The following MUC3A variants were observed in gnomAD, a reference collection of about 807,000 sequenced individuals.
The protein encoded by MUC3A is mucin 3A, cell surface associated.
MUC3A carries 109 observed loss-of-function variants against 109.0 expected under a neutral mutation model. That is an observed-to-expected ratio of 1.00 (90% CI 0.86 to 1.17). The LOEUF (loss-of-function observed/expected upper bound fraction) is 1.17, where lower values mean the gene tolerates loss of function less well. Among genes scored for constraint, MUC3A ranks in the 50% most tolerant of loss-of-function variants. The pLI is 0.00. For synonymous variants in MUC3A, 1,398 were observed against 981.4 expected (o/e 1.42, Z -7.93); for missense variants, 3,537 against 2,469.4 (o/e 1.43, Z -9.16).
chr7:100,958,743 C>T lies in MUC3A; in HGVS notation c.6964C>T (p.His2322Tyr), dbSNP rs758554888. ...CACGGAGACCACCTCACACAGTGCTCACAGCTTCACTTCTTCGATCACCAC... is the reference window on the plus strand; with the variant it reads ...CACGGAGACCACCTCACACAGTGCTTACAGCTTCACTTCTTCGATCACCAC... ...TTTETTSHSA[H>Y]SFTSSITTTE... is the part of the protein sequence containing the mutation. Residue 2322 changes from histidine to tyrosine, a missense_variant, in exon 2 of 12, where the codon CAC (histidine) becomes TAC (tyrosine). Physicochemically the swap from His to Tyr is moderately conservative, Grantham distance 83. Transcript: ENST00000379458. The T allele has an allele frequency of 6.2e-6, 9 of 1,450,020 alleles. No individual in the cohort carries two copies. Among genetic ancestry groups the T allele is most frequent in the South Asian group, 4.8e-5 (4 of 83,100 alleles). 89.8% of individuals were successfully genotyped at this position (1,450,020 alleles called of 1,614,324 possible). A position where few individuals can be genotyped will look rare whatever the true frequency, so the allele number is the denominator to read the frequency against.
chr7:100,959,306 T>A lies in MUC3A; in HGVS notation c.7527T>A (p.Phe2509Leu). 1 of 1,577,302 alleles carries A rather than the reference T, an allele frequency of 6.3e-7. No individual in the cohort carries two copies. The highest frequency in any genetic ancestry group is 2.2e-5 in the East Asian group (1 of 44,788). The change falls in exon 2 of 12, where the codon TTT becomes TTA. Residue 2509 changes from phenylalanine (F) to leucine (L), a missense_variant. Phe to Leu is a conservative substitution (Grantham distance 22). Coordinates refer to ENST00000379458, the MANE Select transcript of MUC3A (RefSeq NM_005960.2). ...CTTCATTGACTACAACCACAGACTTTCCCTCTATACCCACTGATATCAGTA... is the reference window on the plus strand; with the variant it reads ...CTTCATTGACTACAACCACAGACTTACCCTCTATACCCACTGATATCAGTA... ...TSTSLTTTTDFPSIPTDISTL... is the reference protein window; with the variant it reads ...TSTSLTTTTDLPSIPTDISTL...
chr7:100,951,804 T>C, intron 1 of MUC3A, 37 bp from the exon 2 acceptor site: 2 of 1,586,166 alleles, frequency 1.3e-6, no homozygotes, highest in Non-Finnish European at 1.7e-6. Context: ...GACCCACGGA[T>C]TTACCAGTGG....
At chr7:100,961,034 C>A (rs1423630512) in intron 3 of MUC3A, 97 bp downstream of exon 3, 5 of 1,577,186 alleles carry the variant, frequency 3.2e-6, no homozygotes, top group South Asian at 1.1e-5. Flanking sequence ...GGCACCCATG[C>A]CTTTTTGCCC....
chr7:100,962,231 C>CAAAAAAA lies in MUC3A; in HGVS notation c.9053-890_9053-884dup, dbSNP rs1171031869. ...TGGGCGACAGAGCGAGACTCCGTCT[C>CAAAAAAA]AAAAAAAAAAAAAAAAAAAAAAAAA... On this transcript the variant is annotated intron_variant, in intron 3 of 11. Coordinates refer to ENST00000379458, the MANE Select transcript of MUC3A (RefSeq NM_005960.2). Among the ~76,000 whole-genome samples, 17 of 15,034 alleles carry CAAAAAAA rather than the reference C, an allele frequency of 1.1e-3. 4 individuals are homozygous for CAAAAAAA. The highest frequency in any genetic ancestry group is 3.4e-3 in the African/African-American group (16 of 4,744). The allele number at this position is 15,034 out of a possible 152,430, so 9.9% of individuals were successfully genotyped here. A position where few individuals can be genotyped will look rare whatever the true frequency, so the allele number is the denominator to read the frequency against.
At chr7:100,962,443 T>G (rs1792358797) in intron 3 of MUC3A, among the ~76,000 whole-genome samples, 1 of 152,308 alleles carries the variant, frequency 6.6e-6, no homozygotes, top group South Asian at 2.1e-4. Flanking sequence ...TTAGGCTGAT[T>G]AGCAATCTAA....
chr7:100,967,375 G>C lies in MUC3A; in HGVS notation c.*213G>C, dbSNP rs587758623. 331 of 734,026 alleles carry C rather than the reference G, an allele frequency of 4.5e-4. No individual in the cohort carries two copies. The African/African-American group carries it at 5.3e-3, about 12-fold the overall frequency. The allele number at this position is 734,026 out of a possible 1,614,324, so 45.5% of individuals were successfully genotyped here. On this transcript the variant is annotated 3_prime_UTR_variant, in exon 12 of 12. Coordinates refer to ENST00000379458, the MANE Select transcript of MUC3A (RefSeq NM_005960.2). ...CAGTTCACGTCCAGGCTCTTCCACT[G>C]TGGAATCTTGGGCAAGTCAGTAACG...
Position 100,967,298 on chromosome 7 carries a change from C to T in MUC3A, c.*136C>T. ...GTTCTTGGGCAAGATGAGACTGTTC[C>T]CCCAAATCCCATCCTTCTCCTTCCA... On this transcript the variant is annotated 3_prime_UTR_variant, in exon 12 of 12. Transcript: ENST00000379458. 3 of 1,376,214 alleles carry T rather than the reference C, an allele frequency of 2.2e-6. No homozygotes were observed. Among genetic ancestry groups the T allele is most frequent in the Admixed American group, 2.1e-5 (1 of 47,160 alleles). 85.3% of individuals were successfully genotyped at this position (1,376,214 alleles called of 1,614,324 possible).
rs767267111 is a variant in MUC3A at position 100,966,728 on chromosome 7, G to A, written c.9862G>A (p.Glu3288Lys). 3.8e-6 allele frequency: 6 copies of A among 1,598,550 alleles called. No homozygotes were observed. In the African/African-American group the frequency reaches 4.0e-5, roughly 11 times the overall value. The change falls in exon 10 of 12, where the codon GAG becomes AAG. Residue 3288 changes from glutamate to lysine, a missense_variant. By Grantham distance (56) the Glu-to-Lys change is moderately conservative. Coordinates refer to ENST00000379458, the MANE Select transcript of MUC3A (RefSeq NM_005960.2). The part of the protein sequence containing the change: ...VVGTFSNWGF[E>K]DDGTDKDTNF... ...GGGCACTTTTTCAAACTGGGGTTTCGAGGACGACGGAACAGGTGAGTCCTG... is the reference window on the plus strand; with the variant it reads ...GGGCACTTTTTCAAACTGGGGTTTCAAGGACGACGGAACAGGTGAGTCCTG...
chr7:100,967,376 T>A lies in MUC3A; in HGVS notation c.*214T>A. ...AGTTCACGTCCAGGCTCTTCCACTG[T>A]GGAATCTTGGGCAAGTCAGTAACGA... On this transcript the variant is annotated 3_prime_UTR_variant, in exon 12 of 12. Transcript: ENST00000379458. 1 of 726,798 alleles carries A rather than the reference T, an allele frequency of 1.4e-6. No homozygotes were observed. Among genetic ancestry groups the A allele is most frequent in the South Asian group, 1.9e-5 (1 of 52,768 alleles). 45.0% of individuals were successfully genotyped at this position (726,798 alleles called of 1,614,324 possible).
rs1453544252 is a variant in MUC3A at position 100,956,360 on chromosome 7, C to A, written c.4581C>A (p.Thr1527=). ...TTTTKTTSHS[T]TSFTSSTIYS... is the part of the protein sequence containing the mutation. ...CCACCAAGACCACCTCACATAGTAC[C>A]ACCAGCTTCACTTCTTCAACCATCT... The change falls in exon 2 of 12, where the codon ACC becomes ACA. Residue 1527 remains threonine (T), a synonymous_variant. Transcript: ENST00000379458. 10 of 647,730 alleles carry A rather than the reference C, an allele frequency of 1.5e-5. No homozygotes were observed. The East Asian group carries it at 2.2e-4, about 14-fold the overall frequency. The allele number at this position is 647,730 out of a possible 1,614,324, so 40.1% of individuals were successfully genotyped here.
At position 100,967,285 on chromosome 7, in the gene MUC3A, G is replaced by A; in HGVS notation, c.*123G>A. 19 of 1,451,698 alleles carry A rather than the reference G, an allele frequency of 1.3e-5. No individual in the cohort carries two copies. The South Asian group carries it at 2.3e-4, about 18-fold the overall frequency. The allele number at this position is 1,451,698 out of a possible 1,614,324, so 89.9% of individuals were successfully genotyped here. A position where few individuals can be genotyped will look rare whatever the true frequency, so the allele number is the denominator to read the frequency against. ...CCAGGCTCCTGCTGTTCTTGGGCAAGATGAGACTGTTCCCCCAAATCCCAT... is the reference window on the plus strand; with the variant it reads ...CCAGGCTCCTGCTGTTCTTGGGCAAAATGAGACTGTTCCCCCAAATCCCAT... On this transcript the variant is annotated 3_prime_UTR_variant, in exon 12 of 12. Coordinates refer to ENST00000379458, the MANE Select transcript of MUC3A (RefSeq NM_005960.2).
chr7:100,958,533 A>T lies in MUC3A; in HGVS notation c.6754A>T (p.Ser2252Cys). Reference sequence around the variant, plus strand: ...CACCACCACTGAGACTACATCCCACAGTACTCCCAGCTTCACTTCTTCGAT... The same window carrying T: ...CACCACCACTGAGACTACATCCCACTGTACTCCCAGCTTCACTTCTTCGAT... ...SITTTETTSH[S>C]TPSFTSSITT... Residue 2252 changes from serine (S) to cysteine (C), a missense_variant, in exon 2 of 12, where the codon AGT (serine) becomes TGT (cysteine). Ser to Cys is a moderately radical substitution (Grantham distance 112). Transcript: ENST00000379458. 1.5e-6 allele frequency: 2 copies of T among 1,350,602 alleles called. No homozygotes were observed. Among genetic ancestry groups the T allele is most frequent in the Non-Finnish European group, 1.0e-6 (1 of 955,884 alleles). The allele number at this position is 1,350,602 out of a possible 1,614,324, so 83.7% of individuals were successfully genotyped here.
rs974211027 is a variant in MUC3A, at chr7:100,954,746, G to A, written c.2967G>A (p.Leu989=). 3 of 401,206 alleles carry A rather than the reference G, an allele frequency of 7.5e-6. No individual in the cohort carries two copies. The highest frequency in any genetic ancestry group is 1.3e-5 in the Non-Finnish European group (3 of 227,942). 24.9% of individuals were successfully genotyped at this position (401,206 alleles called of 1,614,324 possible). Residue 989 remains leucine, a synonymous_variant, in exon 2 of 12, where the codon CTG becomes CTA. Transcript: ENST00000379458. ...STATFPETTT[L]TPTTDISTVS... ...CCACATTCCCTGAGACCACTACACTGACTCCTACAACTGACATTTCTACAG... is the reference window on the plus strand; with the variant it reads ...CCACATTCCCTGAGACCACTACACTAACTCCTACAACTGACATTTCTACAG...
intron 7 of MUC3A, 173 bp downstream of exon 7, chr7:100,965,520 G>A (rs1438765849): frequency 3.5e-6 from 5 of 1,416,550 alleles, no homozygotes; most frequent in African/African-American, 1.4e-5. Flanking sequence ...GGACAGCAGG[G>A]GCCACGAGGA....
At chr7:100,961,013 T>C (rs1792309713) in intron 3 of MUC3A, 76 bp downstream of exon 3, 1 of 1,593,376 alleles carries the variant, frequency 6.3e-7, no homozygotes, top group Non-Finnish European at 8.5e-7. Context: ...TATCCCTCTG[T>C]GGGGCCTGGA....
rs757458296 is a variant in MUC3A, at chr7:100,952,687, CAAT to C, written c.909_911del (p.Ile304del). On this transcript the variant is annotated inframe_deletion, in exon 2 of 12. Transcript: ENST00000379458. ...TCCACACCTGTCCTGAGCACAGAAA[CAAT>C]CACCAGTGGTATCACAAACACCACC... The C allele has an allele frequency of 8.1e-7, 1 of 1,229,484 alleles. No homozygotes were observed. The highest frequency in any genetic ancestry group is 1.6e-5 in the African/African-American group (1 of 62,538). 76.2% of individuals were successfully genotyped at this position (1,229,484 alleles called of 1,614,324 possible).
rs1311494429 is a variant in MUC3A at position 100,959,557 on chromosome 7, C to G, written c.7778C>G (p.Ser2593Cys). The part of the protein sequence containing the change: ...VLTSATGTQT[S>C]PAPTTVTFGS... ...ACGTCAGCCACTGGGACCCAAACAT[C>G]TCCTGCACCTACTACTGTCACCTTT... Residue 2593 changes from serine to cysteine, a missense_variant, in exon 2 of 12, where the codon TCT (serine) becomes TGT (cysteine). Transcript: ENST00000379458. 6.3e-7 allele frequency: 1 copy of G among 1,592,570 alleles called. No homozygotes were observed. The highest frequency in any genetic ancestry group is 2.2e-5 in the East Asian group (1 of 44,890).
chr7:100,961,111 C>T (rs901305321), intron 3 of MUC3A, 174 bp downstream of exon 3: 93 of 976,610 alleles, frequency 9.5e-5, no homozygotes, highest in Admixed American at 4.9e-4. Flanking sequence ...TCTCCGTCCT[C>T]ACCCTTAGGA....
At chr7:100,965,950 T>A in intron 8 of MUC3A, 84 bp downstream of exon 8, 1 of 1,485,212 alleles carries the variant, frequency 6.7e-7, no homozygotes. Context: ...CCGCCCCGGC[T>A]CCGCGCCCTG....
Sources: allele counts gnomAD v4.1 joint callset (sites outside exome capture counted in the v4.1 genomes callset), GRCh38; gene constraint gnomAD v4.1.1; transcripts MANE v1.5; gene names NCBI Gene and HGNC (gene_info 2026-07-23, HGNC 2026-07-21).